The following HS6ST2 variants were observed in gnomAD, a reference collection of about 807,000 sequenced individuals.
HS6ST2 encodes the protein heparan-sulfate 6-O-sulfotransferase 2.
In HS6ST2, 17 loss-of-function variants were observed where a neutral mutation model predicts 33.0. That is an observed-to-expected ratio of 0.52 (90% CI 0.35 to 0.77). HS6ST2 has a LOEUF of 0.77. Ranked by LOEUF, HS6ST2 falls within the 30% of genes least tolerant of loss-of-function variation. HS6ST2 has a pLI of 0.01. For missense variants in HS6ST2, 519 were observed against 551.7 expected (o/e 0.94, Z 0.59); for synonymous variants, 248 against 237.1 (o/e 1.05, Z -0.42).
intron 3 of HS6ST2, among the ~76,000 whole-genome samples, chrX:132,676,550 G>GCTT (rs2063924785): frequency 1.8e-5 from 2 of 111,902 alleles, no homozygotes; most frequent in Admixed American, 1.9e-4. Flanking sequence ...TCACAAAATA[G>GCTT]AACGAAATTA....
chrX:132,781,687 G>A (rs185878310), intron 2 of HS6ST2, among the ~76,000 whole-genome samples: 11 of 111,628 alleles, frequency 9.9e-5, no homozygotes, highest in South Asian at 3.8e-4. Context: ...GAAGGTGAAC[G>A]GGAAGCAAGG....
At chrX:132,937,755 A>C (rs144762097) in intron 2 of HS6ST2, among the ~76,000 whole-genome samples, 1,449 of 111,650 alleles carry the variant, frequency 0.013, 25 homozygotes, top group African/African-American at 0.045. Flanking sequence ...AGAAAATCTA[A>C]GCAATCCAGC....
chrX:132,927,981 G>C (rs752166714), intron 2 of HS6ST2, among the ~76,000 whole-genome samples: 1 of 111,596 alleles, frequency 9.0e-6, no homozygotes, highest in Admixed American at 9.5e-5. Flanking sequence ...ACAAGAAACA[G>C]AGTGTTAGCA....
intron 2 of HS6ST2, among the ~76,000 whole-genome samples, chrX:132,822,566 T>G (rs1173329931): frequency 8.9e-6 from 1 of 112,000 alleles, no homozygotes; most frequent in Non-Finnish European, 1.9e-5. Flanking sequence ...ACCCCAATAC[T>G]TCACCTGAAG....
At chrX:132,955,053 A>T (rs139272571) in intron 2 of HS6ST2, among the ~76,000 whole-genome samples, 1 of 112,471 alleles carries the variant, frequency 8.9e-6, no homozygotes, top group Non-Finnish European at 1.9e-5. Flanking sequence ...ATGGTGACCA[A>T]GACCTTGTTT....
At chrX:132,922,269 T>A (rs182313686) in intron 2 of HS6ST2, among the ~76,000 whole-genome samples, 185 of 111,153 alleles carry the variant, frequency 1.7e-3, no homozygotes, top group Admixed American at 3.0e-3. Context: ...ATTAGCCAGG[T>A]GTGGTGGCGG....
intron 4 of HS6ST2, among the ~76,000 whole-genome samples, chrX:132,651,405 A>G (rs913412596): frequency 9.0e-6 from 1 of 111,614 alleles, no homozygotes; most frequent in Non-Finnish European, 1.9e-5. Context: ...AAAGTGAGAG[A>G]GCCCCAATCT....
chrX:132,824,973 C>T lies in HS6ST2; in HGVS notation c.948-116479G>A, dbSNP rs191944489. Among the ~76,000 whole-genome samples, 412 of 95,780 alleles carry T rather than the reference C, an allele frequency of 4.3e-3. 1 individual carries two copies. The highest frequency in any genetic ancestry group is 6.1e-3 in the Non-Finnish European group (291 of 47,906). 83.2% of individuals were successfully genotyped at this position (95,780 alleles called of 115,157 possible). A position where few individuals can be genotyped will look rare whatever the true frequency, so the allele number is the denominator to read the frequency against. On this transcript the variant is annotated intron_variant, in intron 2 of 4. Transcript: ENST00000370833. Reference sequence around the variant, plus strand: ...ATGATAAAGTTTGTCAACTGTTAACCCTAGAAAGCTAAAACAACTACTTAG... The same window carrying T: ...ATGATAAAGTTTGTCAACTGTTAACTCTAGAAAGCTAAAACAACTACTTAG...
intron 4 of HS6ST2, among the ~76,000 whole-genome samples, chrX:132,645,623 C>T (rs1450113554): frequency 1.8e-5 from 2 of 112,150 alleles, no homozygotes; most frequent in Admixed American, 1.9e-4. Context: ...TCGACCTTCA[C>T]CTTCTACGTG....
intron 4 of HS6ST2, among the ~76,000 whole-genome samples, chrX:132,634,750 A>G (rs758859882): frequency 8.9e-6 from 1 of 112,089 alleles, no homozygotes; most frequent in Admixed American, 9.4e-5. Context: ...TGAGATAGGG[A>G]GGAACTGCCT....
At chrX:132,873,283 A>G (rs1054158087) in intron 2 of HS6ST2, among the ~76,000 whole-genome samples, 1 of 111,305 alleles carries the variant, frequency 9.0e-6, no homozygotes, top group African/African-American at 3.3e-5. Context: ...TTCTAGCCCC[A>G]CACATCCTCT....
intron 3 of HS6ST2, among the ~76,000 whole-genome samples, chrX:132,707,775 C>T (rs1005905045): frequency 1.5e-4 from 17 of 111,488 alleles, no homozygotes; most frequent in East Asian, 2.8e-4. Flanking sequence ...CTAGACTCTC[C>T]GGTTCTGGTG....
chrX:132,907,612 C>T (rs993741744), intron 2 of HS6ST2: 2 of 111,842 alleles, frequency 1.8e-5, no homozygotes, highest in Admixed American at 1.9e-4. Flanking sequence ...GCCACAACCT[C>T]ATACTCACCT....
chrX:132,931,558 A>C (rs2066768421), intron 2 of HS6ST2, among the ~76,000 whole-genome samples: 1 of 111,813 alleles, frequency 8.9e-6, no homozygotes, highest in African/African-American at 3.3e-5. Context: ...CTAGAAAAGA[A>C]GCAGTGTCAT....
chrX:132,852,570 A>G (rs1337578705), intron 2 of HS6ST2, among the ~76,000 whole-genome samples: 1 of 111,964 alleles, frequency 8.9e-6, no homozygotes, highest in Non-Finnish European at 1.9e-5. Flanking sequence ...GCCTATTTGC[A>G]TTGTTATCCA....
intron 3 of HS6ST2, chrX:132,669,937 C>G (rs1185041721): frequency 8.9e-6 from 1 of 112,474 alleles, no homozygotes; most frequent in Non-Finnish European, 1.9e-5. Flanking sequence ...TTACTTTATT[C>G]TATTTCCTTT....
chrX:132,939,425 G>A (rs1776186888), intron 2 of HS6ST2, among the ~76,000 whole-genome samples: 2 of 110,637 alleles, frequency 1.8e-5, no homozygotes, highest in Non-Finnish European at 3.8e-5. Flanking sequence ...AGGAGTTTGA[G>A]ACCAGACTGG....
At chrX:132,904,554 T>C (rs1209934122) in intron 2 of HS6ST2, among the ~76,000 whole-genome samples, 1 of 107,569 alleles carries the variant, frequency 9.3e-6, no homozygotes, top group African/African-American at 3.4e-5. Context: ...TGTGTGTGTG[T>C]GTGTGTATAG....
chrX:132,760,429 C>T (rs947855703), intron 2 of HS6ST2, among the ~76,000 whole-genome samples: 1 of 111,421 alleles, frequency 9.0e-6, no homozygotes, highest in African/African-American at 3.3e-5. Context: ...TCATTCTTCT[C>T]CTTCCTGCCA....
Sources: gnomAD v4.1 joint callset for allele counts (sites outside exome capture counted in the v4.1 genomes callset) on GRCh38, gnomAD v4.1.1 for gene constraint, MANE v1.5 for transcripts, NCBI Gene and HGNC (gene_info 2026-07-23, HGNC 2026-07-21) for gene names.